Variants in PLEKHH2 observed in about 807,000 individuals in gnomAD.
PLEKHH2 encodes the protein pleckstrin homology domain-containing family H member 2.
In PLEKHH2, 129 loss-of-function variants were observed where a neutral mutation model predicts 187.9. The ratio of observed to expected loss-of-function variants is 0.69; its 90% CI spans 0.59 to 0.79. PLEKHH2 has a LOEUF of 0.79. Ranked by LOEUF, PLEKHH2 falls within the 30% of genes least tolerant of loss-of-function variation. The pLI, the probability that PLEKHH2 is intolerant of heterozygous loss-of-function variation, is 0.00. For synonymous variants in PLEKHH2, 686 were observed against 605.6 expected (o/e 1.13, Z -1.95); for missense variants, 2,076 against 1,751.2 (o/e 1.19, Z -3.31).
At chr2:43,743,119 C>T (rs1038088871) in intron 22 of PLEKHH2, among the ~76,000 whole-genome samples, 4 of 152,130 alleles carry the variant, frequency 2.6e-5, no homozygotes, top group African/African-American at 9.7e-5. Flanking sequence ...CCATACTGAA[C>T]CAAATAAGGG....
At chr2:43,711,877 GA>G (rs1669983561) in intron 14 of PLEKHH2, 3 of 919,366 alleles carry the variant, frequency 3.3e-6, no homozygotes, top group Non-Finnish European at 3.9e-6. Flanking sequence ...CTGGGCGACA[GA>G]AAGAGACTCT....
intron 3 of PLEKHH2, chr2:43,681,019 C>A: frequency 6.3e-6 from 8 of 1,269,954 alleles, no homozygotes; most frequent in African/African-American, 1.5e-5. Context: ...TCACCTGTTC[C>A]CTCAGAATGC....
Position 43,678,791 on chromosome 2 carries a change from T to G in PLEKHH2, c.124-72T>G, listed in dbSNP as rs549773492. The G allele has an allele frequency of 6.4e-6, 7 of 1,099,902 alleles. No individual in the cohort carries two copies. In the Admixed American group the frequency reaches 8.1e-5, roughly 13 times the overall value. The allele number at this position is 1,099,902 out of a possible 1,614,324, so 68.1% of individuals were successfully genotyped here. On this transcript the variant is annotated intron_variant, in intron 2 of 29. Coordinates refer to ENST00000282406, the MANE Select transcript of PLEKHH2 (RefSeq NM_172069.4). ...AGGTGGAGGTAGAATTATGAGATTT[T>G]TAAAGCCTTTTTCAGAAAGGCTCAT...
chr2:43,699,580 A>G, intron 7 of PLEKHH2, 67 bp from the exon 8 acceptor site: 1 of 1,522,040 alleles, frequency 6.6e-7, no homozygotes, highest in Non-Finnish European at 8.9e-7. Context: ...GTAGCTACAT[A>G]AAGCTAAATG....
At position 43,712,400 on chromosome 2, in the gene PLEKHH2, C is replaced by CA; in HGVS notation, c.2460+18dup. The CA allele has an allele frequency of 6.2e-7, 1 of 1,611,066 alleles. No homozygotes were observed. Among genetic ancestry groups the CA allele is most frequent in the South Asian group, 1.1e-5 (1 of 90,506 alleles). On this transcript the variant is annotated intron_variant, in intron 15 of 29. Coordinates refer to ENST00000282406, the MANE Select transcript of PLEKHH2 (RefSeq NM_172069.4). The stretch of plus-strand genomic sequence containing the variant: ...CTCACTAAGGTAGGAACCTCCTGTG[C>CA]ATAGCAATGTCCCAGGCAGCTATGG...
rs961014347 is a variant in PLEKHH2, at chr2:43,693,678, T to C, written c.337-753T>C. Among the ~76,000 whole-genome samples, 5 of 128,664 alleles carry C rather than the reference T, an allele frequency of 3.9e-5. No homozygotes were observed. The South Asian group carries it at 1.0e-3, about 26-fold the overall frequency. 84.4% of individuals were successfully genotyped at this position (128,664 alleles called of 152,430 possible). A position where few individuals can be genotyped will look rare whatever the true frequency, so the allele number is the denominator to read the frequency against. On this transcript the variant is annotated intron_variant, in intron 4 of 29. Transcript: ENST00000282406. ...GGTGGAGCTTGCAGTGAGCCGAGAT[T>C]GCACCACTGCACTCCAGCCTGGGCG...
rs1468087869 is a variant in PLEKHH2, at chr2:43,706,312, TC to T, written c.1727-9del. On this transcript the variant is annotated splice_polypyrimidine_tract_variant and intron_variant, in intron 9 of 29. Coordinates refer to ENST00000282406, the MANE Select transcript of PLEKHH2 (RefSeq NM_172069.4). Reference sequence around the variant, plus strand: ...TTTTTAAAATGTTGTTTCCTGTTTTTCTGTTTCAGATTCTGCTGCAACCCTT... The same window carrying T: ...TTTTTAAAATGTTGTTTCCTGTTTTTTGTTTCAGATTCTGCTGCAACCCTT... 6.4e-7 allele frequency: 1 copy of T among 1,573,044 alleles called. No homozygotes were observed. Among genetic ancestry groups the T allele is most frequent in the Non-Finnish European group, 8.7e-7 (1 of 1,145,494 alleles).
At chr2:43,689,828 C>A (rs963843781) in intron 3 of PLEKHH2, among the ~76,000 whole-genome samples, 1 of 152,166 alleles carries the variant, frequency 6.6e-6, no homozygotes, top group Non-Finnish European at 1.5e-5. Flanking sequence ...ATAACAACTT[C>A]CAAATTGAAT....
rs1019751937 is a variant in PLEKHH2, at chr2:43,680,004, A to G, written c.186+1079A>G. ...TTTAAAAGATGTTTTCATAAGTCAC[A>G]TAACCCTTTCTGGGTCTTCCAGCAT... On this transcript the variant is annotated intron_variant, in intron 3 of 29. Coordinates refer to ENST00000282406, the MANE Select transcript of PLEKHH2 (RefSeq NM_172069.4). Among the ~76,000 whole-genome samples, 4 of 90,596 alleles carry G rather than the reference A, an allele frequency of 4.4e-5. 1 individual carries two copies. The highest frequency in any genetic ancestry group is 1.9e-4 in the Admixed American group (2 of 10,364). 59.4% of individuals were successfully genotyped at this position (90,596 alleles called of 152,430 possible).
At chr2:43,682,505 C>T (rs1252530611) in intron 3 of PLEKHH2, among the ~76,000 whole-genome samples, 4 of 152,106 alleles carry the variant, frequency 2.6e-5, no homozygotes, top group African/African-American at 7.2e-5. Context: ...TGGGGTTTCA[C>T]CATGTTGGCC....
chr2:43,720,050 T>C (rs923933199), intron 15 of PLEKHH2, among the ~76,000 whole-genome samples: 7 of 152,212 alleles, frequency 4.6e-5, no homozygotes, highest in South Asian at 2.1e-4. Context: ...ATTACATGCA[T>C]TGATTGCATA....
intron 3 of PLEKHH2, among the ~76,000 whole-genome samples, chr2:43,686,688 A>C (rs937485696): frequency 1.3e-5 from 2 of 152,220 alleles, no homozygotes; most frequent in African/African-American, 4.8e-5. Context: ...ATGGAGTACT[A>C]TGCCAAAATA....
chr2:43,679,814 T>G (rs1342555483), intron 3 of PLEKHH2, among the ~76,000 whole-genome samples: 4 of 152,164 alleles, frequency 2.6e-5, no homozygotes, highest in African/African-American at 9.7e-5. Context: ...ACTTTGAGTT[T>G]TTTAATATAA....
At chr2:43,674,259 G>A (rs902094346) in intron 2 of PLEKHH2, among the ~76,000 whole-genome samples, 2 of 152,082 alleles carry the variant, frequency 1.3e-5, no homozygotes, top group Non-Finnish European at 2.9e-5. Flanking sequence ...GCAAAATTTT[G>A]TGCATTCTTC....
At chr2:43,694,626 G>C in intron 5 of PLEKHH2, 112 bp downstream of exon 5, 2 of 1,136,138 alleles carry the variant, frequency 1.8e-6, no homozygotes, top group Non-Finnish European at 2.4e-6. Flanking sequence ...ATCGGTTGGT[G>C]ATACTGCTAT....
At chr2:43,714,277 C>T (rs57980478) in intron 15 of PLEKHH2, among the ~76,000 whole-genome samples, 46,170 of 152,030 alleles carry the variant, frequency 0.3, 7,273 homozygotes, top group Middle Eastern at 0.46. Flanking sequence ...AACATTTCTG[C>T]GATTCTCCAC....
chr2:43,640,753 T>C (rs1665863483), intron 1 of PLEKHH2, among the ~76,000 whole-genome samples: 1 of 152,030 alleles, frequency 6.6e-6, no homozygotes, highest in African/African-American at 2.4e-5. Context: ...TCAGATACTT[T>C]GCCCATTTTT....
chr2:43,675,864 C>G (rs778443059), intron 2 of PLEKHH2: 1 of 1,614,064 alleles, frequency 6.2e-7, no homozygotes, highest in Non-Finnish European at 8.5e-7. Context: ...ACAAAAGGTA[C>G]TTTAAATTTT....
intron 21 of PLEKHH2, among the ~76,000 whole-genome samples, chr2:43,742,150 G>A (rs1671593148): frequency 6.6e-6 from 1 of 151,874 alleles, no homozygotes; most frequent in East Asian, 1.9e-4. Context: ...ACAAGCGTGC[G>A]CCACCACCCC....
Sources: allele counts gnomAD v4.1 joint callset (sites outside exome capture counted in the v4.1 genomes callset), GRCh38; gene constraint gnomAD v4.1.1; transcripts MANE v1.5; gene names NCBI Gene and HGNC (gene_info 2026-07-23, HGNC 2026-07-21).